The following ERBB4 variants were observed in gnomAD, a reference collection of about 807,000 sequenced individuals.
ERBB4 encodes the protein receptor tyrosine-protein kinase erbB-4.
ERBB4 carries 42 observed loss-of-function variants against 158.0 expected under a neutral mutation model. That is an observed-to-expected ratio of 0.27 (90% CI 0.21 to 0.34). The LOEUF (loss-of-function observed/expected upper bound fraction) is 0.34, where lower values mean the gene tolerates loss of function less well. Among genes scored for constraint, ERBB4 ranks in the 10% least tolerant of loss-of-function variants. The pLI is 1.00. For missense variants in ERBB4, 1,333 were observed against 1,624.1 expected (o/e 0.82, Z 3.08); for synonymous variants, 583 against 558.7 (o/e 1.04, Z -0.61).
intron 2 of ERBB4, among the ~76,000 whole-genome samples, chr2:211,950,694 A>T (rs530755595): frequency 6.6e-6 from 1 of 152,126 alleles, no homozygotes; most frequent in Non-Finnish European, 1.5e-5. Context: ...TCTGGCATCA[A>T]ATTGGGAACT....
In ERBB4 at chr2:211,379,840, C is replaced by G. The variant is rs1169990218; in HGVS notation, c.*3775G>C. 8 of 231,782 alleles carry G rather than the reference C, an allele frequency of 3.5e-5. No individual in the cohort carries two copies. The highest frequency in any genetic ancestry group is 6.0e-5 in the Non-Finnish European group (7 of 117,326). 14.4% of individuals were successfully genotyped at this position (231,782 alleles called of 1,614,324 possible). A position where few individuals can be genotyped will look rare whatever the true frequency, so the allele number is the denominator to read the frequency against. On this transcript the variant is annotated 3_prime_UTR_variant, in exon 28 of 28. Transcript: ENST00000342788. ...GAAAAACTTGTATTTACATCCTTCCCTGTCAGGCTTAAACAATTTTAATTT... is the reference window on the plus strand; with the variant it reads ...GAAAAACTTGTATTTACATCCTTCCGTGTCAGGCTTAAACAATTTTAATTT...
At chr2:211,768,184 T>C (rs779988858) in intron 4 of ERBB4, among the ~76,000 whole-genome samples, 5 of 152,208 alleles carry the variant, frequency 3.3e-5, no homozygotes, top group Non-Finnish European at 5.9e-5. Context: ...TTTGGCTCCA[T>C]GTCTCACATC....
At chr2:212,010,075 C>A (rs1048718738) in intron 2 of ERBB4, among the ~76,000 whole-genome samples, 1 of 152,154 alleles carries the variant, frequency 6.6e-6, no homozygotes, top group Non-Finnish European at 1.5e-5. Context: ...GCAGCCCCAA[C>A]ATGTTTTTCC....
intron 1 of ERBB4, among the ~76,000 whole-genome samples, chr2:212,292,572 C>T (rs1453980400): frequency 6.6e-6 from 1 of 151,630 alleles, no homozygotes; most frequent in Non-Finnish European, 1.5e-5. Flanking sequence ...CAACCAATAT[C>T]AAAAATTATG....
At chr2:212,521,711 C>T (rs1329313877) in intron 1 of ERBB4, among the ~76,000 whole-genome samples, 6 of 151,876 alleles carry the variant, frequency 4.0e-5, no homozygotes, top group Non-Finnish European at 8.8e-5. Context: ...ATATTCAATT[C>T]CCTTTTTAGA....
chr2:212,473,851 C>A (rs1243969035), intron 1 of ERBB4, among the ~76,000 whole-genome samples: 1 of 152,004 alleles, frequency 6.6e-6, no homozygotes, highest in African/African-American at 2.4e-5. Context: ...CCATCAAAAT[C>A]TATGCAGAGC....
In ERBB4 at chr2:211,679,355, T is replaced by C. The variant is rs2272024; in HGVS notation, c.1490-171A>G. 0.096 allele frequency among the ~76,000 whole-genome samples: 14,672 copies of C among 152,306 alleles called. 756 individuals are homozygous for C. The highest frequency in any genetic ancestry group is 0.15 in the Admixed American group (2,276 of 15,304). ...CATCCTACCCACAACTTCTTCTATA[T>C]TGCAGAGTCCTAGTAGCTGTGTTTG... On this transcript the variant is annotated intron_variant, in intron 12 of 27. Coordinates refer to ENST00000342788, the MANE Select transcript of ERBB4 (RefSeq NM_005235.3).
At chr2:211,881,426 G>C (rs1423401134) in intron 3 of ERBB4, among the ~76,000 whole-genome samples, 1 of 152,178 alleles carries the variant, frequency 6.6e-6, no homozygotes, top group Admixed American at 6.5e-5. Context: ...AGCTTGCACG[G>C]GGGAATGCTG....
chr2:211,474,340 T>C (rs2064902447), intron 20 of ERBB4, among the ~76,000 whole-genome samples: 1 of 152,100 alleles, frequency 6.6e-6, no homozygotes, highest in African/African-American at 2.4e-5. Flanking sequence ...ATCTATATTA[T>C]ACAGAAGACA....
intron 3 of ERBB4, among the ~76,000 whole-genome samples, chr2:211,882,667 A>G (rs558652999): frequency 6.6e-6 from 1 of 152,224 alleles, no homozygotes; most frequent in Non-Finnish European, 1.5e-5. Flanking sequence ...CTTACTAAAA[A>G]TGTATCATTA....
intron 1 of ERBB4, among the ~76,000 whole-genome samples, chr2:212,408,072 TTTTA>T (rs1171907397): frequency 1.3e-5 from 2 of 151,916 alleles, no homozygotes; most frequent in Admixed American, 6.6e-5. Flanking sequence ...AACATTTTAT[TTTTA>T]TTTATTTTTA....
intron 19 of ERBB4, among the ~76,000 whole-genome samples, chr2:211,607,310 G>T (rs1318238735): frequency 1.3e-5 from 2 of 152,116 alleles, no homozygotes; most frequent in Non-Finnish European, 2.9e-5. Flanking sequence ...TTATTAGCTT[G>T]TGGTCCAATA....
intron 1 of ERBB4, among the ~76,000 whole-genome samples, chr2:212,490,949 A>G (rs1690243575): frequency 6.6e-6 from 1 of 151,760 alleles, no homozygotes. Context: ...TTTGAAATCA[A>G]TCCAATTTCT....
chr2:212,323,826 G>GCATT (rs78294534), intron 1 of ERBB4, among the ~76,000 whole-genome samples: 76,322 of 149,666 alleles, frequency 0.51, 23,824 homozygotes, highest in East Asian at 0.73. Flanking sequence ...TATGCAGATT[G>GCATT]AAAACATTAA....
intron 19 of ERBB4, among the ~76,000 whole-genome samples, chr2:211,618,284 C>T (rs1357471058): frequency 6.6e-6 from 1 of 151,948 alleles, no homozygotes; most frequent in East Asian, 1.9e-4. Flanking sequence ...GTTAATTTTT[C>T]AAATTATCAA....
At chr2:211,791,503 A>G (rs1212443326) in intron 3 of ERBB4, among the ~76,000 whole-genome samples, 1 of 146,882 alleles carries the variant, frequency 6.8e-6, no homozygotes, top group Non-Finnish European at 1.5e-5. Context: ...TGTCTGGATG[A>G]GTGCAGAAGC....
chr2:212,464,825 G>T lies in ERBB4; in HGVS notation c.82+73624C>A, dbSNP rs920719289. Among the ~76,000 whole-genome samples, 5 of 151,608 alleles carry T rather than the reference G, an allele frequency of 3.3e-5. 1 individual carries two copies. On this transcript the variant is annotated intron_variant, in intron 1 of 27. Coordinates refer to ENST00000342788, the MANE Select transcript of ERBB4 (RefSeq NM_005235.3). ...AGCAACAATGATTTACATATAGTCG[G>T]CACTCAAAACTATTTGTTTTAATCA...
At chr2:212,487,753 G>C (rs562480711) in intron 1 of ERBB4, among the ~76,000 whole-genome samples, 1 of 152,186 alleles carries the variant, frequency 6.6e-6, no homozygotes, top group African/African-American at 2.4e-5. Context: ...ACCAAAAAGT[G>C]CAGTCTAAAA....
intron 20 of ERBB4, among the ~76,000 whole-genome samples, chr2:211,546,985 A>G (rs982981344): frequency 2.6e-5 from 4 of 151,936 alleles, no homozygotes; most frequent in African/African-American, 9.7e-5. Flanking sequence ...AAATAGCTCT[A>G]TATCTTGATT....
Sources: gnomAD v4.1 joint callset for allele counts (sites outside exome capture counted in the v4.1 genomes callset) on GRCh38, gnomAD v4.1.1 for gene constraint, MANE v1.5 for transcripts, NCBI Gene and HGNC (gene_info 2026-07-23, HGNC 2026-07-21) for gene names.